PARN: variants seen among roughly 807,000 people sequenced by gnomAD.
PARN encodes poly(A)-specific ribonuclease.
In PARN, 71 loss-of-function variants were observed where a neutral mutation model predicts 102.8. That is an observed-to-expected ratio of 0.69 (90% CI 0.57 to 0.84). PARN has a LOEUF of 0.84. Among genes scored for constraint, PARN ranks in the 40% least tolerant of loss-of-function variants. The pLI is 0.00. For synonymous variants in PARN, 261 were observed against 252.9 expected (o/e 1.03, Z -0.30); for missense variants, 782 against 760.9 (o/e 1.03, Z -0.33).
chr16:14,527,181 G>C (rs1966053753), intron 21 of PARN, among the ~76,000 whole-genome samples: 1 of 152,222 alleles, frequency 6.6e-6, no homozygotes, highest in Non-Finnish European at 1.5e-5. Flanking sequence ...ATATGACCTT[G>C]TGGGGAATCC....
intron 18 of PARN, among the ~76,000 whole-genome samples, chr16:14,566,541 T>G (rs765544435): frequency 1.3e-5 from 2 of 152,172 alleles, no homozygotes; most frequent in Admixed American, 6.5e-5. Context: ...CTAAAACACT[T>G]GGTATTTTAA....
chr16:14,440,454 T>C (rs997411309), intron 23 of PARN, among the ~76,000 whole-genome samples: 29 of 152,188 alleles, frequency 1.9e-4, no homozygotes, highest in Admixed American at 5.2e-4. Context: ...CAATTTCTTA[T>C]GAAGTTAAAT....
At chr16:14,542,730 T>C (rs1966849198) in intron 21 of PARN, among the ~76,000 whole-genome samples, 1 of 152,114 alleles carries the variant, frequency 6.6e-6, no homozygotes, top group African/African-American at 2.4e-5. Context: ...AAAAATGATG[T>C]CAGAGGAAAG....
chr16:14,486,563 A>G (rs1963709873), intron 21 of PARN, among the ~76,000 whole-genome samples: 1 of 152,230 alleles, frequency 6.6e-6, no homozygotes, highest in Admixed American at 6.5e-5. Flanking sequence ...CTCCCTAACC[A>G]TGGCGAGGGG....
chr16:14,604,262 C>T (rs1387898886), intron 10 of PARN, 36 bp from the exon 11 acceptor site: 1 of 1,346,788 alleles, frequency 7.4e-7, no homozygotes, highest in Non-Finnish European at 1.0e-6. Flanking sequence ...ATTTTCTTTT[C>T]TTTTTCTTTT....
chr16:14,546,220 A>T (rs565543136), intron 21 of PARN, among the ~76,000 whole-genome samples: 1 of 152,254 alleles, frequency 6.6e-6, no homozygotes, highest in Non-Finnish European at 1.5e-5. Flanking sequence ...AGGGCTGAAC[A>T]ATCATCCTGA....
At chr16:14,439,209 A>C (rs1471055815) in intron 23 of PARN, among the ~76,000 whole-genome samples, 4 of 151,974 alleles carry the variant, frequency 2.6e-5, no homozygotes, top group African/African-American at 7.3e-5. Context: ...CTGCCTCTAC[A>C]AAAAATTTAC....
At chr16:14,540,956 A>C (rs920190564) in intron 21 of PARN, among the ~76,000 whole-genome samples, 3 of 152,022 alleles carry the variant, frequency 2.0e-5, no homozygotes, top group African/African-American at 7.3e-5. Context: ...GTCTTGAAAA[A>C]ACAAACAAAA....
chr16:14,572,673 T>A (rs1968881275), intron 18 of PARN, among the ~76,000 whole-genome samples: 1 of 152,214 alleles, frequency 6.6e-6, no homozygotes, highest in Non-Finnish European at 1.5e-5. Context: ...TTCTATTACG[T>A]ACCAATGTGA....
rs1419459786 is a variant in PARN, at chr16:14,436,371, C to G, written c.*346G>C. The G allele has an allele frequency of 2.4e-5, 7 of 291,312 alleles. No individual in the cohort carries two copies. Among genetic ancestry groups the G allele is most frequent in the Non-Finnish European group, 4.5e-5 (7 of 155,886 alleles). 18.0% of individuals were successfully genotyped at this position (291,312 alleles called of 1,614,324 possible). On this transcript the variant is annotated 3_prime_UTR_variant, in exon 24 of 24. Transcript: ENST00000437198. ...GCAGCTGGAATGTCAGCTCTTTTTGCAGATTTCACAGCCGACACTCCCCAT... is the reference window on the plus strand; with the variant it reads ...GCAGCTGGAATGTCAGCTCTTTTTGGAGATTTCACAGCCGACACTCCCCAT...
chr16:14,622,904 G>C (rs2151816836), intron 5 of PARN, among the ~76,000 whole-genome samples: 1 of 152,180 alleles, frequency 6.6e-6, no homozygotes, highest in East Asian at 1.9e-4. Flanking sequence ...AGGAGTTCAA[G>C]ACGAGCCAAG....
chr16:14,619,504 C>A (rs968510850), intron 5 of PARN, among the ~76,000 whole-genome samples: 34 of 152,032 alleles, frequency 2.2e-4, no homozygotes, highest in African/African-American at 6.5e-4. Flanking sequence ...GTGGCTCACA[C>A]CTGTAATCCC....
intron 5 of PARN, among the ~76,000 whole-genome samples, chr16:14,624,343 C>T (rs1038473153): frequency 6.6e-6 from 1 of 152,198 alleles, no homozygotes; most frequent in African/African-American, 2.4e-5. Flanking sequence ...TCCAAAAATA[C>T]ATTAACCTTT....
In PARN at chr16:14,482,707, G is replaced by C. The variant is rs1165266227; in HGVS notation, c.1601C>G (p.Ala534Gly). Residue 534 changes from alanine (A) to glycine (G), a missense_variant, in exon 22 of 24, where the codon GCT becomes GGT. Transcript: ENST00000437198. Reference sequence around the variant, plus strand: ...CTGGGGGTTTAACCGTTTGCTGTCAGCCTCCTTCCAGCTATCTTCAGTCCA... The same window carrying C: ...CTGGGGGTTTAACCGTTTGCTGTCACCCTCCTTCCAGCTATCTTCAGTCCA... ...RKWTEDSWKE[A>G]DSKRLNPQCI... 2 of 1,613,874 alleles carry C rather than the reference G, an allele frequency of 1.2e-6. No homozygotes were observed. The highest frequency in any genetic ancestry group is 3.3e-5 in the Admixed American group (2 of 60,016).
chr16:14,575,413 G>A (rs920282814), intron 18 of PARN, among the ~76,000 whole-genome samples: 5 of 152,232 alleles, frequency 3.3e-5, no homozygotes, highest in Non-Finnish European at 5.9e-5. Context: ...CTGCATCAGC[G>A]TAATCTGAAC....
At chr16:14,566,587 C>A (rs1968448181) in intron 18 of PARN, among the ~76,000 whole-genome samples, 1 of 152,130 alleles carries the variant, frequency 6.6e-6, no homozygotes, top group African/African-American at 2.4e-5. Flanking sequence ...ACAGCAGCCA[C>A]AGAACACTAA....
At chr16:14,440,191 A>T (rs1017573773) in intron 23 of PARN, among the ~76,000 whole-genome samples, 1 of 152,238 alleles carries the variant, frequency 6.6e-6, no homozygotes, top group Non-Finnish European at 1.5e-5. Context: ...AAGGGAAAAA[A>T]TGAAAAGATA....
Position 14,627,172 on chromosome 16 carries a change from T to C in PARN, c.261A>G (p.Ser87=), listed in dbSNP as rs1436686314. 6.2e-7 allele frequency: 1 copy of C among 1,602,892 alleles called. No homozygotes were observed. Among genetic ancestry groups the C allele is most frequent in the Non-Finnish European group, 8.5e-7 (1 of 1,171,650 alleles). Residue 87 remains serine (S), a synonymous_variant, in exon 5 of 24, where the codon TCA becomes TCG. Transcript: ENST00000437198. ...GTTTCGGGAAAACATAGAAGTTAAA[T>C]GACTTCGTTATATACCTGGGATAAG... ...DYTDSKYITK[S]FNFYVFPKPF...
chr16:14,602,569 C>G (rs752205146), intron 11 of PARN, among the ~76,000 whole-genome samples: 1 of 152,194 alleles, frequency 6.6e-6, no homozygotes, highest in Non-Finnish European at 1.5e-5. Context: ...CTAGGGGATG[C>G]CATGGTGCCC....
Sources: allele counts gnomAD v4.1 joint callset (sites outside exome capture counted in the v4.1 genomes callset), GRCh38; gene constraint gnomAD v4.1.1; transcripts MANE v1.5; gene names NCBI Gene and HGNC (gene_info 2026-07-23, HGNC 2026-07-21).